The following DRC2 variants were observed in gnomAD, a reference collection of about 807,000 sequenced individuals.
The protein encoded by DRC2 is coiled-coil domain containing 65.
the DRC2 span, among the ~76,000 whole-genome samples, chr12:48,920,094 C>CA: frequency 9.9e-6 from 1 of 100,670 alleles, no homozygotes; most frequent in East Asian, 3.0e-4. Context: ...GCCTGGGTGA[C>CA]AGAGTAAGAC....
the DRC2 span, among the ~76,000 whole-genome samples, chr12:48,913,925 C>CTTTTTTTT: frequency 1.0e-5 from 1 of 95,978 alleles, no homozygotes; most frequent in Non-Finnish European, 2.0e-5. Flanking sequence ...CGTGCCCAGT[C>CTTTTTTTT]TTTTTTTTTT....
chr12:48,913,925 C>CTTTTTTT, the DRC2 span, among the ~76,000 whole-genome samples: 1 of 95,980 alleles, frequency 1.0e-5, no homozygotes, highest in Non-Finnish European at 2.0e-5. Flanking sequence ...CGTGCCCAGT[C>CTTTTTTT]TTTTTTTTTT....
the DRC2 span, chr12:48,904,192 G>C: frequency 9.4e-7 from 1 of 1,059,030 alleles, no homozygotes; most frequent in Non-Finnish European, 1.4e-6. Context: ...TCTCCTGTTC[G>C]AGGGCTGAGA....
At chr12:48,907,660 C>T in the DRC2 span, among the ~76,000 whole-genome samples, 1 of 152,304 alleles carries the variant, frequency 6.6e-6, no homozygotes, top group South Asian at 2.1e-4. Flanking sequence ...CAGGTAAAGG[C>T]CACTGGTTCA....
At chr12:48,912,848 C>T in the DRC2 span, among the ~76,000 whole-genome samples, 5 of 152,040 alleles carry the variant, frequency 3.3e-5, no homozygotes, top group African/African-American at 4.8e-5. Flanking sequence ...ATAAGATACC[C>T]CAGGTTCTGC....
chr12:48,904,997 A>C, the DRC2 span: 1 of 1,613,944 alleles, frequency 6.2e-7, no homozygotes, highest in East Asian at 2.2e-5. Flanking sequence ...TAATAAGATT[A>C]ACACACAGTG....
chr12:48,920,883 C>A, the DRC2 span: 1 of 1,556,966 alleles, frequency 6.4e-7, no homozygotes, highest in South Asian at 1.2e-5. Context: ...ACTAGCTTCC[C>A]TCTTCACTCC....
chr12:48,920,333 C>T, the DRC2 span, among the ~76,000 whole-genome samples: 3 of 146,046 alleles, frequency 2.1e-5, no homozygotes, highest in South Asian at 2.2e-4. Flanking sequence ...CCCAGCTACT[C>T]GGGAAGCTGA....
At chr12:48,920,439 C>CTTT in the DRC2 span, among the ~76,000 whole-genome samples, 15 of 23,826 alleles carry the variant, frequency 6.3e-4, no homozygotes, top group Non-Finnish European at 1.1e-3. Flanking sequence ...GAAACTCCAT[C>CTTT]TTAAAAAAAA....
At chr12:48,913,450 C>T in the DRC2 span, among the ~76,000 whole-genome samples, 2 of 151,416 alleles carry the variant, frequency 1.3e-5, no homozygotes, top group African/African-American at 4.8e-5. Flanking sequence ...ATTATAGGTA[C>T]GCATCACCAC....
At chr12:48,908,665 A>G in the DRC2 span, among the ~76,000 whole-genome samples, 3 of 151,582 alleles carry the variant, frequency 2.0e-5, no homozygotes, top group Admixed American at 6.6e-5. Flanking sequence ...CAGTGGCACA[A>G]TCTTGGCTCA....
the DRC2 span, among the ~76,000 whole-genome samples, chr12:48,920,449 A>T: frequency 9.6e-5 from 13 of 135,398 alleles, no homozygotes; most frequent in East Asian, 1.9e-4. Flanking sequence ...CTTAAAAAAA[A>T]AAAAAAAAAA....
At chr12:48,917,134 G>C in the DRC2 span, 1 of 1,612,514 alleles carries the variant, frequency 6.2e-7, no homozygotes, top group Non-Finnish European at 8.5e-7. Context: ...AGATAGGCAA[G>C]AAGTGGGAGG....
the DRC2 span, among the ~76,000 whole-genome samples, chr12:48,917,821 G>A: frequency 6.6e-6 from 1 of 152,182 alleles, no homozygotes; most frequent in Non-Finnish European, 1.5e-5. Flanking sequence ...CACTGTCCTC[G>A]AGGTTGCAAT....
At chr12:48,917,424 A>G in the DRC2 span, among the ~76,000 whole-genome samples, 49,333 of 151,622 alleles carry the variant, frequency 0.33, 9,060 homozygotes, top group Admixed American at 0.47. Context: ...TGATAGCAAC[A>G]CTGCCCTCCA....
chr12:48,921,249 A>G, the DRC2 span: 1 of 1,614,214 alleles, frequency 6.2e-7, no homozygotes, highest in Non-Finnish European at 8.5e-7. Context: ...CCTCCAACAT[A>G]GACGAGCCCA....
At chr12:48,921,524 T>TTG in the DRC2 span, 1 of 1,512,018 alleles carries the variant, frequency 6.6e-7, no homozygotes, top group Non-Finnish European at 8.8e-7. Context: ...GAGATTTTTT[T>TTG]TTTTTTTTGA....
the DRC2 span, among the ~76,000 whole-genome samples, chr12:48,920,447 A>T: frequency 3.7e-5 from 5 of 134,226 alleles, no homozygotes; most frequent in Non-Finnish European, 5.1e-5. Context: ...ATCTTAAAAA[A>T]AAAAAAAAAA....
the DRC2 span, among the ~76,000 whole-genome samples, chr12:48,908,604 A>ATTTAT: frequency 0.35 from 38,472 of 110,056 alleles, 6,085 homozygotes; most frequent in Middle Eastern, 0.45. Flanking sequence ...TATTATTATT[A>ATTTAT]TTATTTATTT....
Sources: allele counts gnomAD v4.1 joint callset (sites outside exome capture counted in the v4.1 genomes callset), GRCh38; gene constraint gnomAD v4.1.1; transcripts MANE v1.5; gene names NCBI Gene and HGNC (gene_info 2026-07-23, HGNC 2026-07-21).